FAM174A: variants seen among roughly 807,000 people sequenced by gnomAD.
The protein encoded by FAM174A is family with sequence similarity 174 member A.
A neutral mutation model predicts 14.3 loss-of-function variants in FAM174A; 14 were observed. The ratio of observed to expected loss-of-function variants is 0.98; its 90% CI spans 0.65 to 1.53. The LOEUF (loss-of-function observed/expected upper bound fraction) is 1.53. FAM174A is among the 40% of genes most tolerant of loss of function. The pLI, the probability that FAM174A is intolerant of heterozygous loss-of-function variation, is 0.00. For missense variants in FAM174A, 241 were observed against 249.6 expected (o/e 0.97, Z 0.23); for synonymous variants, 108 against 111.4 (o/e 0.97, Z 0.19).
At chr5:100,564,195 C>T (rs1269162221) in intron 2 of FAM174A, among the ~76,000 whole-genome samples, 24 of 151,866 alleles carry the variant, frequency 1.6e-4, no homozygotes, top group Non-Finnish European at 3.5e-4. Flanking sequence ...GCCAATTAAA[C>T]CTCTTTTCTT....
intron 1 of FAM174A, among the ~76,000 whole-genome samples, chr5:100,548,406 T>C (rs1160115664): frequency 6.6e-6 from 1 of 152,048 alleles, no homozygotes; most frequent in Admixed American, 6.6e-5. Flanking sequence ...CAAGTTATTA[T>C]TATTATTATT....
At chr5:100,541,924 T>C (rs907446855) in intron 1 of FAM174A, among the ~76,000 whole-genome samples, 3 of 152,204 alleles carry the variant, frequency 2.0e-5, no homozygotes, top group African/African-American at 7.2e-5. Context: ...CTTGAGTATT[T>C]CTTGCCTAGC....
At chr5:100,560,377 A>T (rs1233436317) in intron 1 of FAM174A, among the ~76,000 whole-genome samples, 1 of 152,098 alleles carries the variant, frequency 6.6e-6, no homozygotes, top group East Asian at 1.9e-4. Flanking sequence ...TTTGTATTTC[A>T]TACTGCTTCA....
At chr5:100,571,032 A>T (rs1333715073) in intron 2 of FAM174A, among the ~76,000 whole-genome samples, 2 of 151,836 alleles carry the variant, frequency 1.3e-5, no homozygotes, top group African/African-American at 2.4e-5. Context: ...CCTGAGACAA[A>T]TCCTTCTTTG....
chr5:100,550,543 G>A (rs1043752194), intron 1 of FAM174A, among the ~76,000 whole-genome samples: 1 of 152,142 alleles, frequency 6.6e-6, no homozygotes, highest in African/African-American at 2.4e-5. Flanking sequence ...GACAGAAGTT[G>A]TGTGCTGTGG....
chr5:100,549,496 TAATCACAGG>T (rs1746222026), intron 1 of FAM174A, among the ~76,000 whole-genome samples: 1 of 152,032 alleles, frequency 6.6e-6, no homozygotes, highest in Admixed American at 6.6e-5. Flanking sequence ...GAGACAAACA[TAATCACAGG>T]AAGTGATTGT....
chr5:100,541,525 G>A (rs1411334581), intron 1 of FAM174A, among the ~76,000 whole-genome samples: 2 of 151,970 alleles, frequency 1.3e-5, no homozygotes, highest in African/African-American at 4.8e-5. Flanking sequence ...TTGGATGAGA[G>A]CTGTAGAAAG....
chr5:100,544,942 A>G (rs938196753), intron 1 of FAM174A, among the ~76,000 whole-genome samples: 1 of 152,200 alleles, frequency 6.6e-6, no homozygotes, highest in Non-Finnish European at 1.5e-5. Flanking sequence ...GGTGGTATCT[A>G]CCAATACACT....
intron 1 of FAM174A, among the ~76,000 whole-genome samples, chr5:100,542,570 C>G (rs576102165): frequency 6.6e-6 from 1 of 152,220 alleles, no homozygotes; most frequent in Non-Finnish European, 1.5e-5. Context: ...GTCTCTCTTT[C>G]AATTTACCTT....
At chr5:100,558,615 G>T (rs1331898893) in intron 1 of FAM174A, among the ~76,000 whole-genome samples, 1 of 151,976 alleles carries the variant, frequency 6.6e-6, no homozygotes, top group Admixed American at 6.6e-5. Flanking sequence ...TATGAATCTG[G>T]GTGGTCCTGT....
intron 1 of FAM174A, among the ~76,000 whole-genome samples, chr5:100,537,231 G>A (rs1745959255): frequency 6.6e-6 from 1 of 152,104 alleles, no homozygotes; most frequent in African/African-American, 2.4e-5. Context: ...AGGATTTAAT[G>A]CAGAAGTAAA....
chr5:100,551,700 G>A (rs1188620298), intron 1 of FAM174A, among the ~76,000 whole-genome samples: 1 of 152,156 alleles, frequency 6.6e-6, no homozygotes, highest in Non-Finnish European at 1.5e-5. Flanking sequence ...CAGTTCTGGA[G>A]GCTAGAAATC....
intron 2 of FAM174A, chr5:100,581,233 G>T: frequency 3.4e-6 from 1 of 290,238 alleles, no homozygotes; most frequent in Non-Finnish European, 5.1e-6. Flanking sequence ...CAAGGCCTGC[G>T]GCATTTTTTT....
chr5:100,545,935 CA>C (rs952977084), intron 1 of FAM174A, among the ~76,000 whole-genome samples: 1 of 151,934 alleles, frequency 6.6e-6, no homozygotes, highest in South Asian at 2.1e-4. Context: ...TAGATGTATA[CA>C]AAAAACCTTA....
intron 1 of FAM174A, among the ~76,000 whole-genome samples, chr5:100,537,081 C>A (rs1745955831): frequency 6.6e-6 from 1 of 152,252 alleles, no homozygotes; most frequent in East Asian, 1.9e-4. Flanking sequence ...AACTGCTTGT[C>A]AAGTTTTGGT....
chr5:100,563,997 T>C (rs1266432012), intron 2 of FAM174A, among the ~76,000 whole-genome samples: 1 of 151,862 alleles, frequency 6.6e-6, no homozygotes, highest in Non-Finnish European at 1.5e-5. Context: ...GTGCTGTCCT[T>C]GTGATAGTGA....
chr5:100,586,031 A>C (rs1747119812), intron 2 of FAM174A, 150 bp from the exon 3 acceptor site: 1 of 366,342 alleles, frequency 2.7e-6, no homozygotes, highest in Non-Finnish European at 5.2e-6. Context: ...CAAAATAAGC[A>C]TGTGTTATTG....
At position 100,573,667 on chromosome 5, in the gene FAM174A, T is replaced by G. The variant is rs1746840696; in HGVS notation, c.569+11479T>G. Reference sequence around the variant, plus strand: ...CATACTGCCCAAGGTAATTTACAGATTCAATGCCATCCCCATCAAGCTATC... The same window carrying G: ...CATACTGCCCAAGGTAATTTACAGAGTCAATGCCATCCCCATCAAGCTATC... On this transcript the variant is annotated intron_variant, in intron 2 of 2. Transcript: ENST00000312637. Among the ~76,000 whole-genome samples the G allele has an allele frequency of 2.0e-5, 3 of 150,350 alleles. No homozygotes were observed. In the South Asian group the frequency reaches 6.3e-4, roughly 31 times the overall value.
intron 1 of FAM174A, among the ~76,000 whole-genome samples, chr5:100,553,034 T>G (rs6879886): frequency 0.23 from 34,750 of 152,012 alleles, 4,315 homozygotes; most frequent in Admixed American, 0.34. Flanking sequence ...TTACTATGTC[T>G]AGTAGAAAAG....
Sources: allele counts gnomAD v4.1 joint callset (sites outside exome capture counted in the v4.1 genomes callset), GRCh38; gene constraint gnomAD v4.1.1; transcripts MANE v1.5; gene names NCBI Gene and HGNC (gene_info 2026-07-23, HGNC 2026-07-21).